The following DHRSX variants were observed in gnomAD, a reference collection of about 807,000 sequenced individuals.
DHRSX encodes polyprenol dehydrogenase.
A neutral mutation model predicts 34.0 loss-of-function variants in DHRSX; 31 were observed. The ratio of observed to expected loss-of-function variants is 0.91; its 90% CI spans 0.69 to 1.23. The LOEUF is 1.23. Among genes scored for constraint, DHRSX ranks in the 50% most tolerant of loss-of-function variants. DHRSX has a pLI of 0.00. For synonymous variants in DHRSX, 201 were observed against 183.8 expected (o/e 1.09, Z -0.76); for missense variants, 414 against 428.1 (o/e 0.97, Z 0.29).
chrX:2,435,850 C>T (rs1311099397), intron 1 of DHRSX, among the ~76,000 whole-genome samples: 1 of 152,182 alleles, frequency 6.6e-6, no homozygotes, highest in Non-Finnish European at 1.5e-5. Context: ...ACAGGAAAAA[C>T]AAAAGTCCTA....
In DHRSX at chrX:2,266,981, T is replaced by G. The variant is rs765162362; in HGVS notation, c.389-34A>C. 1.9e-6 allele frequency: 3 copies of G among 1,606,472 alleles called. No homozygotes were observed. In the African/African-American group the frequency reaches 4.0e-5, roughly 21 times the overall value. On this transcript the variant is annotated intron_variant, in intron 4 of 6. Transcript: ENST00000334651. ...AAGAGAATATCAGAAGGAGTTAGACTGGGGAAGACAGTGGAGAAATCTCAC... is the reference window on the plus strand; with the variant it reads ...AAGAGAATATCAGAAGGAGTTAGACGGGGGAAGACAGTGGAGAAATCTCAC...
chrX:2,476,096 GAA>G (rs2044674120), intron 1 of DHRSX, among the ~76,000 whole-genome samples: 1 of 152,152 alleles, frequency 6.6e-6, no homozygotes, highest in African/African-American at 2.4e-5. Flanking sequence ...CTTATGGAAA[GAA>G]AACAGACAGC....
intron 1 of DHRSX, among the ~76,000 whole-genome samples, chrX:2,439,528 G>A (rs926345065): frequency 6.6e-6 from 1 of 152,062 alleles, no homozygotes; most frequent in Admixed American, 6.6e-5. Flanking sequence ...TGATTGAAGT[G>A]CATTCTATTT....
At chrX:2,412,630 A>AC (rs111705677) in intron 2 of DHRSX, among the ~76,000 whole-genome samples, 1,870 of 151,894 alleles carry the variant, frequency 0.012, 35 homozygotes, top group African/African-American at 0.043. Flanking sequence ...AGATATCTAC[A>AC]CCCCCATGTT....
At chrX:2,312,474 A>T (rs2042175282) in intron 3 of DHRSX, among the ~76,000 whole-genome samples, 1 of 152,056 alleles carries the variant, frequency 6.6e-6, no homozygotes, top group Non-Finnish European at 1.5e-5. Context: ...TATCACAGGA[A>T]CAGAAAACCA....
intron 5 of DHRSX, among the ~76,000 whole-genome samples, chrX:2,247,364 A>AAG (rs2016321859): frequency 6.6e-6 from 1 of 151,898 alleles, no homozygotes; most frequent in African/African-American, 2.4e-5. Context: ...ACTATAAAAA[A>AAG]AAAATTAGGG....
At chrX:2,402,696 T>C (rs1439404728) in intron 3 of DHRSX, among the ~76,000 whole-genome samples, 2 of 139,630 alleles carry the variant, frequency 1.4e-5, no homozygotes, top group Non-Finnish European at 1.6e-5. Flanking sequence ...GATTTTAAAC[T>C]TTTTTCTTTT....
At chrX:2,368,599 CA>C (rs2043021497) in intron 3 of DHRSX, among the ~76,000 whole-genome samples, 1 of 152,158 alleles carries the variant, frequency 6.6e-6, no homozygotes, top group South Asian at 2.1e-4. Flanking sequence ...CCTGTAATCC[CA>C]GCAGTTTGGG....
intron 2 of DHRSX, among the ~76,000 whole-genome samples, chrX:2,419,262 G>A (rs1373959073): frequency 2.0e-5 from 3 of 152,174 alleles, no homozygotes; most frequent in Non-Finnish European, 2.9e-5. Flanking sequence ...GTTCCACCAT[G>A]TGAGGACACA....
chrX:2,465,871 GA>G (rs2044487454), intron 1 of DHRSX, among the ~76,000 whole-genome samples: 1 of 151,038 alleles, frequency 6.6e-6, no homozygotes, highest in Non-Finnish European at 1.5e-5. Context: ...TCTACACTGT[GA>G]AAAAATATCT....
intron 1 of DHRSX, among the ~76,000 whole-genome samples, chrX:2,427,229 G>A (rs1255466983): frequency 6.6e-6 from 1 of 152,224 alleles, no homozygotes; most frequent in African/African-American, 2.4e-5. Flanking sequence ...GGATATTCCA[G>A]GAAGAGGAAG....
At chrX:2,226,201 A>T (rs142864134) in intron 6 of DHRSX, among the ~76,000 whole-genome samples, 1 of 152,220 alleles carries the variant, frequency 6.6e-6, no homozygotes, top group African/African-American at 2.4e-5. Flanking sequence ...TGCTGTGTGC[A>T]TATGTCAAGA....
chrX:2,416,964 G>T (rs1196225301), intron 2 of DHRSX, among the ~76,000 whole-genome samples: 1 of 151,766 alleles, frequency 6.6e-6, no homozygotes, highest in Non-Finnish European at 1.5e-5. Context: ...AATTGACTTT[G>T]AATCAAACTG....
intron 5 of DHRSX, among the ~76,000 whole-genome samples, chrX:2,244,856 C>T (rs2016240570): frequency 1.3e-5 from 2 of 152,020 alleles, no homozygotes; most frequent in South Asian, 2.1e-4. Context: ...GGACTATAGG[C>T]GCCTGCCACC....
chrX:2,323,784 A>G (rs1374655530), intron 3 of DHRSX, among the ~76,000 whole-genome samples: 1 of 151,298 alleles, frequency 6.6e-6, no homozygotes, highest in Non-Finnish European at 1.5e-5. Context: ...AATCATCATT[A>G]TCGTCACAGT....
chrX:2,416,086 G>A (rs780825754), intron 2 of DHRSX, among the ~76,000 whole-genome samples: 71 of 149,540 alleles, frequency 4.7e-4, no homozygotes, highest in Non-Finnish European at 6.4e-4. Context: ...ACTAGATCTC[G>A]TCATGACCAA....
In DHRSX at chrX:2,496,279, A is replaced by G. The variant is rs773417179; in HGVS notation, c.109+4538T>C. On this transcript the variant is annotated intron_variant, in intron 1 of 6. Coordinates refer to ENST00000334651, the MANE Select transcript of DHRSX (RefSeq NM_145177.3). ...AGTGGCGCAATCTTGGCTGACTGCAACCTCCACCTCCCAGGTTCACACCAT... is the reference window on the plus strand; with the variant it reads ...AGTGGCGCAATCTTGGCTGACTGCAGCCTCCACCTCCCAGGTTCACACCAT... 6.6e-5 allele frequency among the ~76,000 whole-genome samples: 10 copies of G among 152,034 alleles called. No homozygotes were observed. The East Asian group carries it at 1.9e-3, about 29-fold the overall frequency.
At chrX:2,318,386 T>C (rs1311465684) in intron 3 of DHRSX, among the ~76,000 whole-genome samples, 6 of 150,876 alleles carry the variant, frequency 4.0e-5, no homozygotes, top group Admixed American at 2.6e-4. Flanking sequence ...GCCAGATGAA[T>C]GCACATGACC....
chrX:2,360,547 C>A (rs757476951), intron 3 of DHRSX, among the ~76,000 whole-genome samples: 1 of 152,104 alleles, frequency 6.6e-6, no homozygotes, highest in Non-Finnish European at 1.5e-5. Flanking sequence ...CGCGCCACTG[C>A]ACTCCAGCCT....
Sources: gnomAD v4.1 joint callset for allele counts (sites outside exome capture counted in the v4.1 genomes callset) on GRCh38, gnomAD v4.1.1 for gene constraint, MANE v1.5 for transcripts, NCBI Gene and HGNC (gene_info 2026-07-23, HGNC 2026-07-21) for gene names.